The following GALNT13 variants were observed in gnomAD, a reference collection of about 807,000 sequenced individuals.
The protein encoded by GALNT13 is polypeptide N-acetylgalactosaminyltransferase 13.
GALNT13 carries 28 observed loss-of-function variants against 64.2 expected under a neutral mutation model. That is an observed-to-expected ratio of 0.44 (90% CI 0.32 to 0.60). GALNT13 has a LOEUF of 0.60. Ranked by LOEUF, GALNT13 falls within the 20% of genes least tolerant of loss-of-function variation. GALNT13 has a pLI of 0.05. For missense variants in GALNT13, 577 were observed against 669.8 expected (o/e 0.86, Z 1.53); for synonymous variants, 214 against 224.6 (o/e 0.95, Z 0.42).
intron 9 of GALNT13, among the ~76,000 whole-genome samples, chr2:154,329,967 C>T (rs1276748712): frequency 1.3e-5 from 2 of 152,018 alleles, no homozygotes; most frequent in African/African-American, 4.8e-5. Context: ...GCCAAGTAAA[C>T]CTCTTTTCTT....
chr2:154,172,003 CACA>C (rs1386489489), intron 4 of GALNT13, among the ~76,000 whole-genome samples: 2 of 144,446 alleles, frequency 1.4e-5, no homozygotes, highest in Non-Finnish European at 3.1e-5. Context: ...CACACACACA[CACA>C]ATGCTAAGCC....
chr2:153,986,350 TG>T (rs1391422993), intron 3 of GALNT13, among the ~76,000 whole-genome samples: 1 of 151,988 alleles, frequency 6.6e-6, no homozygotes, highest in Non-Finnish European at 1.5e-5. Context: ...AGACAGGTAT[TG>T]TTCTAAATGA....
the GALNT13 span, chr2:153,478,794 G>A: frequency 1.1e-5 from 5 of 471,048 alleles, no homozygotes; most frequent in Non-Finnish European, 1.9e-5. Flanking sequence ...GGTGGTGCTC[G>A]TTCCCGGCGC....
intron 8 of GALNT13, among the ~76,000 whole-genome samples, chr2:154,269,925 T>TATTTATATATATGTGTATATATATA (rs1421612508): frequency 2.9e-5 from 4 of 139,238 alleles, no homozygotes; most frequent in Non-Finnish European, 4.6e-5. Flanking sequence ...TATATATATA[T>TATTTATATATATGTGTATATATATA]TTCTAAAGCA....
At chr2:153,906,193 G>GT (rs1300050683) in intron 2 of GALNT13, among the ~76,000 whole-genome samples, 19 of 147,462 alleles carry the variant, frequency 1.3e-4, no homozygotes, top group Non-Finnish European at 1.7e-4. Context: ...ATGTCTGGTT[G>GT]TTTTTTTTTA....
the GALNT13 span, among the ~76,000 whole-genome samples, chr2:153,766,202 A>G: frequency 6.6e-6 from 1 of 151,448 alleles, no homozygotes; most frequent in Admixed American, 6.6e-5. Flanking sequence ...CTGGGCTCTG[A>G]GGTTTCTGCT....
intron 4 of GALNT13, among the ~76,000 whole-genome samples, chr2:154,196,201 A>G (rs756158632): frequency 1.3e-5 from 2 of 151,406 alleles, no homozygotes; most frequent in Non-Finnish European, 2.9e-5. Flanking sequence ...GAGAAAAGTC[A>G]GTCTTAGAAA....
chr2:153,452,508 T>C, the GALNT13 span, among the ~76,000 whole-genome samples: 1 of 151,934 alleles, frequency 6.6e-6, no homozygotes, highest in South Asian at 2.1e-4. Context: ...GAGTATCATA[T>C]GAATTTAGTG....
At position 154,002,311 on chromosome 2, in the gene GALNT13, T is replaced by A. The variant is rs144318423; in HGVS notation, c.142+57672T>A. On this transcript the variant is annotated intron_variant, in intron 3 of 12. Transcript: ENST00000392825. ...CAGTAATAGAAAGGTTTATTCCCTT[T>A]ATGGTGTTTCATAATGCTTGTAGGC... 9.9e-3 allele frequency among the ~76,000 whole-genome samples: 1,506 copies of A among 152,128 alleles called. 20 individuals are homozygous for A. The highest frequency in any genetic ancestry group is 0.035 in the African/African-American group (1,449 of 41,530).
chr2:153,093,236 C>CTTTTTTTTTTTTTTTTTTT, the GALNT13 span, among the ~76,000 whole-genome samples: 10 of 129,006 alleles, frequency 7.8e-5, 1 homozygote, highest in Non-Finnish European at 9.7e-5. Context: ...TTTTTCTTTT[C>CTTTTTTTTTTTTTTTTTTT]TTTTCTTTTT....
the GALNT13 span, among the ~76,000 whole-genome samples, chr2:153,439,288 T>G: frequency 1.3e-5 from 2 of 152,184 alleles, no homozygotes; most frequent in African/African-American, 4.8e-5. Flanking sequence ...GAGGAGGCAG[T>G]CTGCCTGTTC....
chr2:154,232,974 A>G (rs554424306), intron 4 of GALNT13, among the ~76,000 whole-genome samples: 152 of 142,584 alleles, frequency 1.1e-3, no homozygotes, highest in African/African-American at 3.7e-3. Flanking sequence ...CAGGAGGCGG[A>G]GGTGGCAGTG....
chr2:153,946,315 C>T lies in GALNT13; in HGVS notation c.142+1676C>T, dbSNP rs143938536. On this transcript the variant is annotated intron_variant, in intron 3 of 12. Transcript: ENST00000392825. The stretch of plus-strand genomic sequence containing the variant: ...GTTTTGCTGATTTATGTCCTTAATG[C>T]TCCTTAAGTCTTAAATCTCAAAATG... Among the ~76,000 whole-genome samples the T allele has an allele frequency of 1.1e-3, 165 of 152,186 alleles. 1 individual carries two copies. The highest frequency in any genetic ancestry group is 3.9e-3 in the African/African-American group (162 of 41,542).
chr2:153,232,432 T>G, the GALNT13 span, among the ~76,000 whole-genome samples: 2 of 152,220 alleles, frequency 1.3e-5, no homozygotes, highest in Non-Finnish European at 2.9e-5. Context: ...GCTACTAAAG[T>G]GAGTTTGCTT....
chr2:153,857,849 G>GGGGAATAAGTTAT, the GALNT13 span, among the ~76,000 whole-genome samples: 1 of 152,068 alleles, frequency 6.6e-6, no homozygotes, highest in Non-Finnish European at 1.5e-5. Context: ...TTAGCCAAAT[G>GGGGAATAAGTTAT]GGGAAAATAA....
At chr2:153,941,747 A>G (rs187201886) in intron 2 of GALNT13, among the ~76,000 whole-genome samples, 203 of 152,312 alleles carry the variant, frequency 1.3e-3, no homozygotes, top group Admixed American at 2.4e-3. Flanking sequence ...TCTGTGAATG[A>G]TAAAGTTTAG....
chr2:154,226,936 G>T (rs1014671870), intron 4 of GALNT13, among the ~76,000 whole-genome samples: 1 of 152,068 alleles, frequency 6.6e-6, no homozygotes, highest in African/African-American at 2.4e-5. Flanking sequence ...GAAATAAATG[G>T]AAACAGTATC....
intron 3 of GALNT13, among the ~76,000 whole-genome samples, chr2:154,046,933 C>T (rs1214258353): frequency 1.5e-5 from 1 of 68,756 alleles, no homozygotes; most frequent in Non-Finnish European, 3.2e-5. Context: ...GCCACTTAGT[C>T]TGTGGGTTTT....
chr2:154,120,272 C>G (rs576992505), intron 3 of GALNT13, among the ~76,000 whole-genome samples: 1 of 152,290 alleles, frequency 6.6e-6, no homozygotes, highest in South Asian at 2.1e-4. Context: ...TGTCTCAGGA[C>G]TGCAGTGTCC....
Sources: allele counts gnomAD v4.1 joint callset (sites outside exome capture counted in the v4.1 genomes callset), GRCh38; gene constraint gnomAD v4.1.1; transcripts MANE v1.5; gene names NCBI Gene and HGNC (gene_info 2026-07-23, HGNC 2026-07-21).